SMYD3: variants seen among roughly 807,000 people sequenced by gnomAD.
The protein encoded by SMYD3 is SET and MYND domain containing 3.
In SMYD3, 36 loss-of-function variants were observed where a neutral mutation model predicts 57.7. The observed-to-expected ratio is 0.62, with a 90% CI of 0.48 to 0.82. The LOEUF (loss-of-function observed/expected upper bound fraction) is 0.82. Among genes scored for constraint, SMYD3 ranks in the 40% least tolerant of loss-of-function variants. SMYD3 has a pLI of 0.00. For missense variants in SMYD3, 515 were observed against 538.8 expected (o/e 0.96, Z 0.44); for synonymous variants, 211 against 195.0 (o/e 1.08, Z -0.68).
intron 10 of SMYD3, among the ~76,000 whole-genome samples, chr1:245,767,223 G>C (rs935435625): frequency 2.0e-5 from 3 of 149,498 alleles, no homozygotes; most frequent in Non-Finnish European, 4.5e-5. Flanking sequence ...ATAAAGACCG[G>C]GATTAAGAGT....
intron 10 of SMYD3, among the ~76,000 whole-genome samples, chr1:245,779,154 T>G: frequency 7.3e-6 from 1 of 137,302 alleles, no homozygotes; most frequent in African/African-American, 2.9e-5. Context: ...AGTGAGACAC[T>G]GTCCCAAGGG....
At chr1:246,323,187 G>A (rs1392205344) in intron 5 of SMYD3, among the ~76,000 whole-genome samples, 1 of 152,120 alleles carries the variant, frequency 6.6e-6, no homozygotes, top group African/African-American at 2.4e-5. Flanking sequence ...TTACAGCCAG[G>A]CAACAAATTC....
At chr1:246,229,493 T>C (rs901000545) in intron 5 of SMYD3, among the ~76,000 whole-genome samples, 1 of 152,202 alleles carries the variant, frequency 6.6e-6, no homozygotes, top group African/African-American at 2.4e-5. Flanking sequence ...ACAATTGCCC[T>C]TTATCCATCT....
chr1:246,091,092 A>G (rs1021923696), intron 5 of SMYD3, among the ~76,000 whole-genome samples: 2 of 152,186 alleles, frequency 1.3e-5, no homozygotes, highest in Admixed American at 1.3e-4. Context: ...AGCCAGTTAG[A>G]AACGCGGTTA....
intron 5 of SMYD3, among the ~76,000 whole-genome samples, chr1:245,972,471 T>C (rs2058325954): frequency 6.6e-6 from 1 of 152,208 alleles, no homozygotes; most frequent in Admixed American, 6.5e-5. Flanking sequence ...TTAATTAACC[T>C]CTCAAATTTC....
At chr1:246,499,427 T>C (rs1024097178) in intron 1 of SMYD3, among the ~76,000 whole-genome samples, 29 of 145,946 alleles carry the variant, frequency 2.0e-4, no homozygotes, top group African/African-American at 6.5e-4. Context: ...CACACACACA[T>C]ATATATATTT....
chr1:245,848,744 T>G (rs1285931207), intron 10 of SMYD3, among the ~76,000 whole-genome samples: 1 of 152,052 alleles, frequency 6.6e-6, no homozygotes, highest in Non-Finnish European at 1.5e-5. Flanking sequence ...CTGGCCTGGG[T>G]TGGTGGCTCA....
At chr1:245,852,651 CCTT>C (rs2051037026) in intron 10 of SMYD3, among the ~76,000 whole-genome samples, 1 of 152,148 alleles carries the variant, frequency 6.6e-6, no homozygotes, top group South Asian at 2.1e-4. Flanking sequence ...TATCTTCTTT[CCTT>C]CTTCTTCATC....
chr1:246,479,042 T>TA (rs1476330547), intron 1 of SMYD3, among the ~76,000 whole-genome samples: 3 of 148,654 alleles, frequency 2.0e-5, no homozygotes, highest in African/African-American at 7.7e-5. Flanking sequence ...AGCTGATACA[T>TA]AAGTGCTCAT....
intron 5 of SMYD3, among the ~76,000 whole-genome samples, chr1:246,027,486 A>T (rs1022970913): frequency 1.3e-5 from 2 of 152,226 alleles, no homozygotes; most frequent in South Asian, 2.1e-4. Context: ...TTTACCATTT[A>T]AAAAATCCTA....
intron 10 of SMYD3, among the ~76,000 whole-genome samples, chr1:245,782,566 A>T (rs2046876139): frequency 6.6e-6 from 1 of 152,242 alleles, no homozygotes; most frequent in Non-Finnish European, 1.5e-5. Flanking sequence ...TTCTGCAAAT[A>T]TAATTAATGG....
chr1:246,166,880 C>A (rs1052704491), intron 5 of SMYD3, among the ~76,000 whole-genome samples: 4 of 152,164 alleles, frequency 2.6e-5, no homozygotes, highest in African/African-American at 9.7e-5. Context: ...CTATCCAGCT[C>A]CAAAACATTT....
chr1:246,230,504 G>A (rs2063394321), intron 5 of SMYD3, among the ~76,000 whole-genome samples: 1 of 152,198 alleles, frequency 6.6e-6, no homozygotes, highest in Non-Finnish European at 1.5e-5. Flanking sequence ...CAACTCTGGA[G>A]AGATCCAATA....
chr1:245,752,488 T>C (rs776981323), intron 11 of SMYD3, among the ~76,000 whole-genome samples: 9 of 152,052 alleles, frequency 5.9e-5, no homozygotes, highest in African/African-American at 1.9e-4. Context: ...GCCATCTTCT[T>C]GTCACTTCAA....
chr1:245,922,734 T>C (rs2056067537), intron 7 of SMYD3, among the ~76,000 whole-genome samples: 1 of 152,160 alleles, frequency 6.6e-6, no homozygotes, highest in South Asian at 2.1e-4. Flanking sequence ...AGGTAAATAA[T>C]TTGTTACTTC....
chr1:245,962,653 T>C (rs1412830584), intron 5 of SMYD3, among the ~76,000 whole-genome samples: 1 of 151,784 alleles, frequency 6.6e-6, no homozygotes. Flanking sequence ...CGTCGAACAA[T>C]AAAGAGAAAA....
chr1:246,008,976 C>A (rs951415585), intron 5 of SMYD3, among the ~76,000 whole-genome samples: 1 of 152,208 alleles, frequency 6.6e-6, no homozygotes, highest in African/African-American at 2.4e-5. Context: ...GTACCGCTTG[C>A]TAGCAGCGTG....
intron 2 of SMYD3, among the ~76,000 whole-genome samples, chr1:246,344,472 T>A (rs1001992184): frequency 1.3e-5 from 2 of 152,218 alleles, no homozygotes; most frequent in Admixed American, 6.5e-5. Context: ...ACAGTATGCA[T>A]CTCTTTATTC....
chr1:246,084,768 G>A (rs893625546), intron 5 of SMYD3, among the ~76,000 whole-genome samples: 14 of 152,112 alleles, frequency 9.2e-5, no homozygotes, highest in African/African-American at 1.7e-4. Flanking sequence ...GCTGTTACTG[G>A]TCTATCAATG....
Sources: allele counts gnomAD v4.1 joint callset (sites outside exome capture counted in the v4.1 genomes callset), GRCh38; gene constraint gnomAD v4.1.1; transcripts MANE v1.5; gene names NCBI Gene and HGNC (gene_info 2026-07-23, HGNC 2026-07-21).